The following CRTC3 variants were observed in gnomAD, a reference collection of about 807,000 sequenced individuals.
The protein encoded by CRTC3 is CREB regulated transcription coactivator 3, also known as CREB-regulated transcription coactivator 3.
A neutral mutation model predicts 74.5 loss-of-function variants in CRTC3; 26 were observed. The observed-to-expected ratio is 0.35, with a 90% CI of 0.26 to 0.48. CRTC3 has a LOEUF of 0.48. Among genes scored for constraint, CRTC3 ranks in the 20% least tolerant of loss-of-function variants. The pLI is 0.99. For synonymous variants in CRTC3, 377 were observed against 325.8 expected (o/e 1.16, Z -1.69); for missense variants, 760 against 787.3 (o/e 0.97, Z 0.41).
At chr15:90,560,456 T>C (rs952618617) in intron 2 of CRTC3, among the ~76,000 whole-genome samples, 9 of 152,226 alleles carry the variant, frequency 5.9e-5, no homozygotes, top group African/African-American at 1.9e-4. Context: ...TCCGTTGTCT[T>C]CCCTGTGGGC....
At position 90,642,258 on chromosome 15, in the gene CRTC3, A is replaced by G; in HGVS notation, c.*118A>G. The G allele has an allele frequency of 2.6e-6, 2 of 776,222 alleles. No individual in the cohort carries two copies. The highest frequency in any genetic ancestry group is 1.7e-5 in the South Asian group (1 of 59,450). The allele number at this position is 776,222 out of a possible 1,614,324, so 48.1% of individuals were successfully genotyped here. On this transcript the variant is annotated 3_prime_UTR_variant, in exon 15 of 15. Coordinates refer to ENST00000268184, the MANE Select transcript of CRTC3 (RefSeq NM_022769.5). ...TCTTGACATAGAAGGAAGCAATGCC[A>G]CGGCTCCAGGGTTTCAGATGAGATC...
At chr15:90,640,387 C>G (rs1159289217) in intron 13 of CRTC3, among the ~76,000 whole-genome samples, 1 of 152,138 alleles carries the variant, frequency 6.6e-6, no homozygotes, top group African/African-American at 2.4e-5. Context: ...TCTCAGTTTT[C>G]TAGAAACCAG....
Position 90,629,299 on chromosome 15 carries a change from T to C in CRTC3, c.1033T>C (p.Ser345Pro). ...ATLNKTVLSS[S>P]LNNHPQTSVP... ...GCTCAATAAGACTGTGCTTTCCTCT[T>C]CCTTAAATAACCACCCACAGACATC... Residue 345 changes from serine to proline, a missense_variant, in exon 11 of 15, where the codon TCC becomes CCC. Physicochemically the swap from Ser to Pro is moderately conservative, Grantham distance 74 (BLOSUM62 -1). This residue lies in a region of CRTC3 where 652 missense variants were observed against 635.2 expected (regional missense o/e 1.03). Coordinates refer to ENST00000268184, the MANE Select transcript of CRTC3 (RefSeq NM_022769.5). 6.2e-7 allele frequency: 1 copy of C among 1,614,020 alleles called. No homozygotes were observed. The highest frequency in any genetic ancestry group is 1.1e-5 in the South Asian group (1 of 91,076).
At chr15:90,579,208 A>G (rs2151072609) in intron 2 of CRTC3, among the ~76,000 whole-genome samples, 1 of 152,318 alleles carries the variant, frequency 6.6e-6, no homozygotes, top group Middle Eastern at 3.4e-3. Flanking sequence ...ATATGGAAGG[A>G]TGTTTGTAGG....
intron 11 of CRTC3, among the ~76,000 whole-genome samples, chr15:90,635,550 CAGG>C (rs1969202875): frequency 6.6e-6 from 1 of 152,116 alleles, no homozygotes; most frequent in Admixed American, 6.6e-5. Context: ...GAGACTGAGG[CAGG>C]AGAATTGCTT....
intron 10 of CRTC3, among the ~76,000 whole-genome samples, chr15:90,627,603 T>C (rs567996088): frequency 1.3e-4 from 19 of 151,914 alleles, no homozygotes; most frequent in Non-Finnish European, 2.6e-4. Context: ...TCAGAACCAA[T>C]GTCAGTTTCT....
At chr15:90,641,781 G>T in intron 14 of CRTC3, 151 bp from the exon 15 acceptor site, 1 of 652,842 alleles carries the variant, frequency 1.5e-6, no homozygotes, top group South Asian at 1.9e-5. Flanking sequence ...TGACAAGAAT[G>T]TAGATTCCAG....
rs747892988 is a variant in CRTC3, at chr15:90,602,324, T to G, written c.352T>G (p.Phe118Val). The G allele has an allele frequency of 1.3e-6, 2 of 1,570,584 alleles. No individual in the cohort carries two copies. Among genetic ancestry groups the G allele is most frequent in the Non-Finnish European group, 1.8e-6 (2 of 1,141,656 alleles). Residue 118 changes from phenylalanine (F) to valine (V), a missense_variant and splice_region_variant, in exon 4 of 15, where the codon TTT becomes GTT. Phe to Val is a conservative substitution (Grantham distance 50). Around this residue, in one of 2 missense-constraint regions of CRTC3, gnomAD observed 652 missense variants for 635.2 expected, o/e 1.03. Coordinates refer to ENST00000268184, the MANE Select transcript of CRTC3 (RefSeq NM_022769.5). The stretch of plus-strand genomic sequence containing the variant: ...ATTTTTCCTTTATTAAAAATTCTAC[T>G]TTGATGGTAGTGCTTTTGGAGCCAA... ...RRSGDKPGRQ[F>V]DGSAFGANYS...
At chr15:90,534,089 G>T (rs933192398) in intron 1 of CRTC3, among the ~76,000 whole-genome samples, 9 of 152,160 alleles carry the variant, frequency 5.9e-5, no homozygotes, top group African/African-American at 2.2e-4. Context: ...GCTCCAGCGT[G>T]GTGGGTAGAA....
Position 90,607,438 on chromosome 15 carries a change from T to C in CRTC3, c.537T>C (p.Tyr179=), listed in dbSNP as rs143172580. 250 of 1,613,056 alleles carry C rather than the reference T, an allele frequency of 1.5e-4. No individual in the cohort carries two copies. The highest frequency in any genetic ancestry group is 2.0e-4 in the Non-Finnish European group (232 of 1,179,482). The part of the protein sequence containing the change: ...SALSTKPQDP[Y]GGGGQSAWPA... ...TGAGTACCAAGCCCCAGGACCCCTATGGAGGAGGGGGCCAGTCGGCCTGGC... is the reference window on the plus strand; with the variant it reads ...TGAGTACCAAGCCCCAGGACCCCTACGGAGGAGGGGGCCAGTCGGCCTGGC... The change falls in exon 6 of 15, where the codon TAT becomes TAC. Residue 179 remains tyrosine (Y), a synonymous_variant. Coordinates refer to ENST00000268184, the MANE Select transcript of CRTC3 (RefSeq NM_022769.5).
At chr15:90,636,963 A>G (rs1381745492) in intron 11 of CRTC3, among the ~76,000 whole-genome samples, 1 of 152,206 alleles carries the variant, frequency 6.6e-6, no homozygotes, top group East Asian at 1.9e-4. Flanking sequence ...GTGGGACTGT[A>G]AACTAGTTCA....
At chr15:90,571,145 T>A (rs1266018545) in intron 2 of CRTC3, among the ~76,000 whole-genome samples, 2 of 152,208 alleles carry the variant, frequency 1.3e-5, no homozygotes, top group African/African-American at 4.8e-5. Context: ...GGAGATACAA[T>A]GACCCAGACA....
At chr15:90,531,019 A>C (rs748817499) in intron 1 of CRTC3, among the ~76,000 whole-genome samples, 1 of 151,072 alleles carries the variant, frequency 6.6e-6, no homozygotes, top group Non-Finnish European at 1.5e-5. Context: ...AGGATCCTGA[A>C]TGCTGACCTT....
chr15:90,633,444 G>A (rs972644218), intron 11 of CRTC3, among the ~76,000 whole-genome samples: 2 of 152,026 alleles, frequency 1.3e-5, no homozygotes, highest in South Asian at 2.1e-4. Context: ...ATTTTCCCTT[G>A]GCATCTATTG....
rs1282382507 is a variant in CRTC3 at position 90,626,138 on chromosome 15, CG to C, written c.967+147del. 8.6e-6 allele frequency: 6 copies of C among 697,948 alleles called. No individual in the cohort carries two copies. In the African/African-American group the frequency reaches 1.1e-4, roughly 12 times the overall value. The allele number at this position is 697,948 out of a possible 1,614,324, so 43.2% of individuals were successfully genotyped here. A position where few individuals can be genotyped will look rare whatever the true frequency, so the allele number is the denominator to read the frequency against. On this transcript the variant is annotated intron_variant, in intron 10 of 14. Transcript: ENST00000268184. ...TACCTTCTTGTATCTCCTGACCCTG[CG>C]GACATTTTTCTTGGATGTTTCTGTT...
chr15:90,597,240 T>C (rs1275281619), intron 3 of CRTC3, among the ~76,000 whole-genome samples: 2 of 152,262 alleles, frequency 1.3e-5, no homozygotes, highest in Non-Finnish European at 2.9e-5. Flanking sequence ...CAGCCCTTCT[T>C]ACTCTCACTC....
intron 3 of CRTC3, chr15:90,598,509 T>C: frequency 1.4e-6 from 1 of 702,384 alleles, no homozygotes. Flanking sequence ...AGGAGGAAGA[T>C]TTTCCTGCAC....
At chr15:90,579,642 T>C (rs1247307218) in intron 2 of CRTC3, among the ~76,000 whole-genome samples, 1 of 132,854 alleles carries the variant, frequency 7.5e-6, no homozygotes, top group East Asian at 2.0e-4. Flanking sequence ...CACTTTTTTT[T>C]TTTTTTTTTT....
intron 1 of CRTC3, among the ~76,000 whole-genome samples, chr15:90,538,561 CAGTG>C (rs1966755382): frequency 6.6e-6 from 1 of 152,070 alleles, no homozygotes; most frequent in Non-Finnish European, 1.5e-5. Flanking sequence ...AAATTTCTGT[CAGTG>C]AGGCACTGCG....
Sources: allele counts gnomAD v4.1 joint callset (sites outside exome capture counted in the v4.1 genomes callset), GRCh38; gene constraint gnomAD v4.1.1; regional missense constraint gnomAD v4.1.1; transcripts MANE v1.5; gene names NCBI Gene and HGNC (gene_info 2026-07-23, HGNC 2026-07-21).